Variants in TASP1 observed in about 807,000 individuals in gnomAD.
TASP1 encodes the protein taspase 1, also known as threonine aspartase 1.
TASP1 carries 16 observed loss-of-function variants against 56.6 expected under a neutral mutation model. The observed-to-expected ratio is 0.28, with a 90% CI of 0.19 to 0.43. The LOEUF (loss-of-function observed/expected upper bound fraction) is 0.43. TASP1 is among the 20% of genes least tolerant of loss of function. TASP1 has a pLI of 1.00. For synonymous variants in TASP1, 179 were observed against 184.2 expected (o/e 0.97, Z 0.23); for missense variants, 393 against 511.6 (o/e 0.77, Z 2.24).
chr20:13,160,009 T>G, the TASP1 span: 6 of 1,607,518 alleles, frequency 3.7e-6, no homozygotes, highest in South Asian at 5.5e-5. Flanking sequence ...TAAGGGCTTT[T>G]GCAAGGCATA....
the TASP1 span, among the ~76,000 whole-genome samples, chr20:13,212,039 T>A: frequency 1.3e-5 from 2 of 152,306 alleles, no homozygotes; most frequent in African/African-American, 4.8e-5. Flanking sequence ...GTGGGGTTTT[T>A]GGCAGAGATA....
At chr20:13,393,581 C>T (rs1251813995) in intron 13 of TASP1, 8 of 930,238 alleles carry the variant, frequency 8.6e-6, no homozygotes, top group Non-Finnish European at 1.2e-5. Context: ...CCCTCAACAA[C>T]CACCTTGTCA....
chr20:13,418,473 C>G (rs1410061248), intron 12 of TASP1, among the ~76,000 whole-genome samples: 1 of 152,088 alleles, frequency 6.6e-6, no homozygotes, highest in Admixed American at 6.6e-5. Context: ...AAAGTCAGAA[C>G]CAGTGAGCCC....
the TASP1 span, among the ~76,000 whole-genome samples, chr20:13,268,617 C>T: frequency 0.073 from 11,088 of 152,202 alleles, 497 homozygotes; most frequent in East Asian, 0.16. Flanking sequence ...CAGCTTTCCC[C>T]GGTCACTGCA....
chr20:13,606,386 C>A (rs1372163660), intron 4 of TASP1, among the ~76,000 whole-genome samples: 1 of 152,110 alleles, frequency 6.6e-6, no homozygotes, highest in South Asian at 2.1e-4. Context: ...AGCATTTCCC[C>A]AGCCATTCCC....
At chr20:13,340,590 A>AT in the TASP1 span, among the ~76,000 whole-genome samples, 1 of 152,172 alleles carries the variant, frequency 6.6e-6, no homozygotes, top group Non-Finnish European at 1.5e-5. Context: ...TTTTGACACA[A>AT]GCATACAATG....
At chr20:13,112,281 T>C in the TASP1 span, among the ~76,000 whole-genome samples, 1 of 152,202 alleles carries the variant, frequency 6.6e-6, no homozygotes, top group Non-Finnish European at 1.5e-5. Flanking sequence ...TGGCCCTCGG[T>C]ACTGGCTCTC....
At chr20:13,248,633 A>T in the TASP1 span, among the ~76,000 whole-genome samples, 1 of 152,176 alleles carries the variant, frequency 6.6e-6, no homozygotes, top group African/African-American at 2.4e-5. Flanking sequence ...AAATGTGCTC[A>T]GTTTGTTTTC....
chr20:13,614,303 A>T (rs982841881), intron 4 of TASP1, among the ~76,000 whole-genome samples: 2 of 152,168 alleles, frequency 1.3e-5, no homozygotes, highest in Non-Finnish European at 2.9e-5. Flanking sequence ...TAACTATTCA[A>T]TTTACAAAAG....
At chr20:13,429,632 G>GTGTC (rs979485652) in intron 12 of TASP1, among the ~76,000 whole-genome samples, 2 of 139,522 alleles carry the variant, frequency 1.4e-5, no homozygotes, top group South Asian at 4.2e-4. Context: ...GTGTGTGTGT[G>GTGTC]TGTCTGTCTG....
intron 13 of TASP1, among the ~76,000 whole-genome samples, chr20:13,392,021 A>C (rs1436819186): frequency 6.6e-6 from 1 of 151,976 alleles, no homozygotes; most frequent in Non-Finnish European, 1.5e-5. Flanking sequence ...TCTTTAGCCT[A>C]AAAACAGACC....
At chr20:13,181,809 C>T in the TASP1 span, among the ~76,000 whole-genome samples, 6 of 152,148 alleles carry the variant, frequency 3.9e-5, no homozygotes, top group African/African-American at 1.4e-4. Context: ...AAAATCAGAT[C>T]TTAAATTTTA....
At chr20:13,516,055 T>C (rs1302095398) in intron 10 of TASP1, among the ~76,000 whole-genome samples, 1 of 152,152 alleles carries the variant, frequency 6.6e-6, no homozygotes, top group Non-Finnish European at 1.5e-5. Flanking sequence ...CCTTCCAACA[T>C]ATACTGTTCA....
intron 4 of TASP1, among the ~76,000 whole-genome samples, chr20:13,601,029 C>T (rs2047937177): frequency 6.6e-6 from 1 of 152,112 alleles, no homozygotes; most frequent in Non-Finnish European, 1.5e-5. Flanking sequence ...TAATCCCAAC[C>T]CTCTGGGAGG....
the TASP1 span, among the ~76,000 whole-genome samples, chr20:13,192,830 A>T: frequency 1.3e-5 from 2 of 152,080 alleles, no homozygotes; most frequent in Non-Finnish European, 2.9e-5. Flanking sequence ...CTAGAATTAA[A>T]GGTGTGAGCC....
chr20:13,347,066 A>C, the TASP1 span, among the ~76,000 whole-genome samples: 2 of 152,262 alleles, frequency 1.3e-5, no homozygotes, highest in South Asian at 4.1e-4. Flanking sequence ...AAAAGGTGTT[A>C]TGAAACAGTA....
chr20:13,266,951 C>T, the TASP1 span, among the ~76,000 whole-genome samples: 2 of 152,132 alleles, frequency 1.3e-5, no homozygotes, highest in East Asian at 3.8e-4. Flanking sequence ...CAGTAAGTCC[C>T]TTTGAGAAGA....
the TASP1 span, among the ~76,000 whole-genome samples, chr20:13,200,688 A>G: frequency 6.6e-6 from 1 of 152,270 alleles, no homozygotes. Flanking sequence ...ACAAAGAGAA[A>G]TAAAACAAAA....
the TASP1 span, among the ~76,000 whole-genome samples, chr20:13,348,615 C>T: frequency 6.6e-6 from 1 of 152,180 alleles, no homozygotes; most frequent in Admixed American, 6.5e-5. Context: ...GCTGCTGACA[C>T]CACTGTATGG....
Sources: allele counts gnomAD v4.1 joint callset (sites outside exome capture counted in the v4.1 genomes callset), GRCh38; gene constraint gnomAD v4.1.1; transcripts MANE v1.5; gene names NCBI Gene and HGNC (gene_info 2026-07-23, HGNC 2026-07-21).